The following LRPAP1 variants were observed in gnomAD, a reference collection of about 807,000 sequenced individuals.
LRPAP1 encodes LDL receptor related protein associated protein 1.
A neutral mutation model predicts 39.9 loss-of-function variants in LRPAP1; 41 were observed. The observed-to-expected ratio is 1.03, with a 90% CI of 0.80 to 1.33. LRPAP1 has a LOEUF of 1.33. Ranked by LOEUF, LRPAP1 falls within the 40% of genes most tolerant of loss-of-function variation. LRPAP1 has a pLI of 0.00. For missense variants in LRPAP1, 565 were observed against 482.3 expected (o/e 1.17, Z -1.61); for synonymous variants, 263 against 212.7 (o/e 1.24, Z -2.06).
intron 7 of LRPAP1, 92 bp downstream of exon 7, chr4:3,514,660 C>T (rs1560253125): frequency 4.1e-6 from 6 of 1,457,760 alleles, no homozygotes; most frequent in Non-Finnish European, 4.6e-6. Context: ...GGGCCCACAC[C>T]CCATCTACAG....
intron 2 of LRPAP1, among the ~76,000 whole-genome samples, chr4:3,520,983 C>T (rs1027429385): frequency 5.9e-5 from 9 of 152,234 alleles, no homozygotes; most frequent in African/African-American, 2.2e-4. Flanking sequence ...AGGACAAGTC[C>T]TGCACTTGGG....
In LRPAP1 at chr4:3,514,816, C is replaced by G; in HGVS notation, c.947G>C (p.Arg316Pro). 2.5e-6 allele frequency: 4 copies of G among 1,613,358 alleles called. No homozygotes were observed. The highest frequency in any genetic ancestry group is 1.1e-5 in the South Asian group (1 of 91,088). ...GTGCTTCTCGCGGCTGCGGCTCACA[C>G]GCTCGCCGTCGCCCACGCTCTCTGC... ...RHAESVGDGE[R>P]VSRSREKHAL... Residue 316 changes from arginine to proline, a missense_variant, in exon 7 of 8, where the codon CGT becomes CCT. Transcript: ENST00000650182.
At chr4:3,519,014 A>G in intron 3 of LRPAP1, 23 bp from the exon 4 acceptor site, 1 of 1,609,110 alleles carries the variant, frequency 6.2e-7, no homozygotes, top group Non-Finnish European at 8.5e-7. Flanking sequence ...CAAGGCCTGG[A>G]GTGAACCCGC....
rs1405431661 is a variant in LRPAP1 at position 3,507,512 on chromosome 4, T to A, written c.*5462A>T. The A allele has an allele frequency of 6.6e-6, 1 of 152,248 alleles. No homozygotes were observed. The highest frequency in any genetic ancestry group is 2.4e-5 in the African/African-American group (1 of 41,462). 9.4% of individuals were successfully genotyped at this position (152,248 alleles called of 1,614,324 possible). A position where few individuals can be genotyped will look rare whatever the true frequency, so the allele number is the denominator to read the frequency against. ...TTATCATCTGCGAATTACTGACATT[T>A]GCTTTGGGTCCTAGTACCTCGTCCA... On this transcript the variant is annotated 3_prime_UTR_variant, in exon 8 of 8. Transcript: ENST00000650182.
At chr4:3,524,242 C>T (rs1262010321) in intron 2 of LRPAP1, among the ~76,000 whole-genome samples, 3 of 152,180 alleles carry the variant, frequency 2.0e-5, no homozygotes, top group East Asian at 1.9e-4. Context: ...AAAACCCTCC[C>T]GGCTCTGAGG....
chr4:3,530,614 C>T (rs1730220956), intron 1 of LRPAP1, among the ~76,000 whole-genome samples: 1 of 152,192 alleles, frequency 6.6e-6, no homozygotes. Context: ...AGACATGACC[C>T]AACCCAAGAC....
chr4:3,527,510 C>T (rs973142150), intron 1 of LRPAP1, among the ~76,000 whole-genome samples: 6 of 152,232 alleles, frequency 3.9e-5, no homozygotes, highest in African/African-American at 9.6e-5. Flanking sequence ...TCTACTTCCC[C>T]GTGGCTGCTG....
intron 6 of LRPAP1, chr4:3,515,894 AC>A (rs1421176473): frequency 3.4e-6 from 2 of 587,828 alleles, no homozygotes; most frequent in Non-Finnish European, 3.0e-6. Flanking sequence ...GGACAAAAGA[AC>A]CAAAGCCCCT....
intron 4 of LRPAP1, 76 bp from the exon 5 acceptor site, chr4:3,518,268 C>CA: frequency 6.7e-7 from 1 of 1,482,600 alleles, no homozygotes; most frequent in Non-Finnish European, 9.1e-7. Context: ...CTAGAACGCC[C>CA]ACTGCTGGGG....
At chr4:3,517,993 G>A in intron 5 of LRPAP1, 41 bp downstream of exon 5, 1 of 1,555,750 alleles carries the variant, frequency 6.4e-7, no homozygotes, top group Non-Finnish European at 8.7e-7. Flanking sequence ...ACCAGAGACG[G>A]CCCCACCCTC....
At chr4:3,531,903 T>A (rs1560264017) in intron 1 of LRPAP1, 2 of 483,840 alleles carry the variant, frequency 4.1e-6, no homozygotes, top group African/African-American at 4.1e-5. Flanking sequence ...TGATCTAGCC[T>A]GGTTCTGTCC....
In LRPAP1 at chr4:3,506,816, C is replaced by T. The variant is rs1183682324; in HGVS notation, c.*6158G>A. On this transcript the variant is annotated 3_prime_UTR_variant, in exon 8 of 8. Transcript: ENST00000650182. ...GATTTCATCAAACTGGAAACCTTTGCTTTCCAAAAGATAACCATTAAGAAA... is the reference window on the plus strand; with the variant it reads ...GATTTCATCAAACTGGAAACCTTTGTTTTCCAAAAGATAACCATTAAGAAA... 2 of 152,214 alleles carry T rather than the reference C, an allele frequency of 1.3e-5. No individual in the cohort carries two copies. Among genetic ancestry groups the T allele is most frequent in the Non-Finnish European group, 2.9e-5 (2 of 68,018 alleles). The allele number at this position is 152,214 out of a possible 1,614,324, so 9.4% of individuals were successfully genotyped here. A position where few individuals can be genotyped will look rare whatever the true frequency, so the allele number is the denominator to read the frequency against.
In LRPAP1 at chr4:3,532,214, G is replaced by A; in HGVS notation, c.199C>T (p.Gln67Ter). 6.5e-7 allele frequency: 1 copy of A among 1,550,000 alleles called. No individual in the cohort carries two copies. Among genetic ancestry groups the A allele is most frequent in the South Asian group, 1.2e-5 (1 of 84,054 alleles). ...CGACCGCGGGCCGCGCTCACTCGCT[G>A]GGCCTTCTCCCACAGCTGGTTCAAC... The part of the protein sequence containing the change: ...EKLNQLWEKA[Q>*]RLHLPPVRLA... The change falls in exon 1 of 8, where the codon CAG becomes TAG. Residue 67 changes from glutamine to a stop codon, truncating the protein, a stop_gained. Transcript: ENST00000650182. LOFTEE classifies it high-confidence loss of function.
chr4:3,516,118 G>T lies in LRPAP1; in HGVS notation c.832C>A (p.Arg278=). 1 of 1,573,004 alleles carries T rather than the reference G, an allele frequency of 6.4e-7. No individual in the cohort carries two copies. Among genetic ancestry groups the T allele is most frequent in the South Asian group, 1.2e-5 (1 of 85,638 alleles). Residue 278 remains arginine (R), a splice_region_variant and synonymous_variant, in exon 6 of 8, where the codon CGG becomes AGG. Coordinates refer to ENST00000650182, the MANE Select transcript of LRPAP1 (RefSeq NM_002337.4). The part of the protein sequence containing the change: ...NLTDKELEAF[R]EELKHFEAKI... The stretch of plus-strand genomic sequence containing the variant: ...AGGAGAGGGCCGTGTTTCCTTACCC[G>T]GAACGCCTCCAGCTCCTTGTCCGTG...
rs927242587 is a variant in LRPAP1, at chr4:3,505,598, G to A, written c.*7376C>T. ...TTCCAGCTGCACCAGCAGCCCACAC[G>A]CCTCCTGAGCACCACTACCAGCTAC... On this transcript the variant is annotated 3_prime_UTR_variant, in exon 8 of 8. Transcript: ENST00000650182. Among the ~76,000 whole-genome samples, 2 of 151,918 alleles carry A rather than the reference G, an allele frequency of 1.3e-5. No individual in the cohort carries two copies. Among genetic ancestry groups the A allele is most frequent in the Non-Finnish European group, 2.9e-5 (2 of 68,004 alleles).
At chr4:3,531,506 G>GT (rs1025670756) in intron 1 of LRPAP1, among the ~76,000 whole-genome samples, 12 of 152,154 alleles carry the variant, frequency 7.9e-5, no homozygotes, top group African/African-American at 2.7e-4. Flanking sequence ...TGAAGCAACC[G>GT]TATCTTAATG....
chr4:3,526,406 A>T (rs1730079658), intron 1 of LRPAP1, among the ~76,000 whole-genome samples: 1 of 152,216 alleles, frequency 6.6e-6, no homozygotes, highest in South Asian at 2.1e-4. Flanking sequence ...TTGAAATATT[A>T]ATCTTTTATC....
Position 3,512,050 on chromosome 4 carries a change from C to T in LRPAP1, c.*924G>A, listed in dbSNP as rs1729539603. The T allele has an allele frequency of 9.2e-6, 1 of 109,054 alleles. No homozygotes were observed. The highest frequency in any genetic ancestry group is 3.7e-5 in the African/African-American group (1 of 27,370). The allele number at this position is 109,054 out of a possible 1,614,324, so 6.8% of individuals were successfully genotyped here. ...AGGCTCAGACACGGGAAGGGAACCA[C>T]GCTCGGAGCCGGACCCGAGCCTCTT... is the stretch of plus-strand genomic sequence containing the variant. On this transcript the variant is annotated 3_prime_UTR_variant, in exon 8 of 8. Coordinates refer to ENST00000650182, the MANE Select transcript of LRPAP1 (RefSeq NM_002337.4).
chr4:3,530,318 C>G (rs1217530262), intron 1 of LRPAP1, among the ~76,000 whole-genome samples: 3 of 152,218 alleles, frequency 2.0e-5, no homozygotes, highest in Non-Finnish European at 4.4e-5. Context: ...CACCGCCACC[C>G]TCCAAGCTTC....
Sources: gnomAD v4.1 joint callset for allele counts (sites outside exome capture counted in the v4.1 genomes callset) on GRCh38, gnomAD v4.1.1 for gene constraint, MANE v1.5 for transcripts, NCBI Gene and HGNC (gene_info 2026-07-23, HGNC 2026-07-21) for gene names.